Variants in LVRN observed in about 807,000 individuals in gnomAD.
LVRN encodes aminopeptidase Q.
In LVRN, 99 loss-of-function variants were observed where a neutral mutation model predicts 111.4. That is an observed-to-expected ratio of 0.89 (90% CI 0.76 to 1.05). The LOEUF is 1.05. Ranked by LOEUF, LVRN falls within the 50% of genes least tolerant of loss-of-function variation. LVRN has a pLI of 0.00. For synonymous variants in LVRN, 488 were observed against 449.5 expected, an observed-to-expected ratio of 1.09 and a Z score of -1.08; for missense variants, 1,414 against 1,206.8, an observed-to-expected ratio of 1.17 and a Z score of -2.54.
intron 1 of LVRN, among the ~76,000 whole-genome samples, chr5:115,970,752 A>G (rs146682238): frequency 2.7e-3 from 404 of 152,306 alleles, no homozygotes; most frequent in African/African-American, 9.0e-3. Context: ...TATTGATATA[A>G]CACAATTTGT....
chr5:115,963,261 A>G lies in LVRN; in HGVS notation c.644A>G (p.Asp215Gly). 1 of 1,612,500 alleles carries G rather than the reference A, an allele frequency of 6.2e-7. No homozygotes were observed. The highest frequency in any genetic ancestry group is 1.3e-5 in the African/African-American group (1 of 74,956). ...AGCTTCTCGGGCCTGGTGAAGGAAGACCTCAGGGAGGGACTCTTCCTCAAC... is the reference window on the plus strand; with the variant it reads ...AGCTTCTCGGGCCTGGTGAAGGAAGGCCTCAGGGAGGGACTCTTCCTCAAC... The part of the protein sequence containing the change: ...QLSFSGLVKE[D>G]LREGLFLNVY... The change falls in exon 1 of 20, where the codon GAC (aspartate) becomes GGC (glycine). Residue 215 changes from aspartate to glycine, a missense_variant. Physicochemically the swap from Asp to Gly is moderately conservative, Grantham distance 94 (BLOSUM62 -1). Transcript: ENST00000357872.
At chr5:116,006,305 G>A (rs1394354859) in intron 13 of LVRN, among the ~76,000 whole-genome samples, 1 of 151,382 alleles carries the variant, frequency 6.6e-6, no homozygotes, top group Non-Finnish European at 1.5e-5. Flanking sequence ...GTTTAACCAG[G>A]TAAATTAATA....
At chr5:116,006,915 A>G (rs1321074852) in intron 13 of LVRN, among the ~76,000 whole-genome samples, 3 of 152,104 alleles carry the variant, frequency 2.0e-5, no homozygotes, top group Non-Finnish European at 4.4e-5. Flanking sequence ...TCTTGCTATC[A>G]ATTTTTCCCT....
Position 115,963,107 on chromosome 5 carries a change from C to T in LVRN, c.490C>T (p.Pro164Ser). Residue 164 changes from proline to serine, a missense_variant, in exon 1 of 20, where the codon CCG becomes TCG. Coordinates refer to ENST00000357872, the MANE Select transcript of LVRN (RefSeq NM_173800.5). ...CGCCGAGGTGCGGGGACCCCTTTCCCCGGGCACTGGGAACGCCACAGTGGG... is the reference window on the plus strand; with the variant it reads ...CGCCGAGGTGCGGGGACCCCTTTCCTCGGGCACTGGGAACGCCACAGTGGG... Reference protein sequence around the residue: ...ERAEVRGPLSPGTGNATVGRV... With the variant: ...ERAEVRGPLSSGTGNATVGRV... 1 of 1,613,612 alleles carries T rather than the reference C, an allele frequency of 6.2e-7. No homozygotes were observed. The highest frequency in any genetic ancestry group is 1.3e-5 in the African/African-American group (1 of 75,062).
chr5:115,985,063 C>T (rs1747826049), intron 3 of LVRN, among the ~76,000 whole-genome samples: 1 of 152,126 alleles, frequency 6.6e-6, no homozygotes, highest in Non-Finnish European at 1.5e-5. Flanking sequence ...GTGTACTTAG[C>T]CCAGGGTTAA....
Position 115,962,577 on chromosome 5 carries a change from GTC to G in LVRN, c.-37_-36del. On this transcript the variant is annotated 5_prime_UTR_variant, in exon 1 of 20. Coordinates refer to ENST00000357872, the MANE Select transcript of LVRN (RefSeq NM_173800.5). ...GGCCGGGGTTTTGACAGCTGCCACA[GTC>G]TCTGAGCTCCAGCCTCGCGCCTGAA... The G allele has an allele frequency of 1.9e-6, 3 of 1,560,016 alleles. No individual in the cohort carries two copies. The highest frequency in any genetic ancestry group is 2.6e-6 in the Non-Finnish European group (3 of 1,152,238).
chr5:115,968,590 C>G (rs563713490), intron 1 of LVRN, among the ~76,000 whole-genome samples: 39 of 152,154 alleles, frequency 2.6e-4, no homozygotes, highest in African/African-American at 9.4e-4. Context: ...AGTTGCCCAT[C>G]TGGTCCCCCA....
intron 14 of LVRN, 131 bp from the exon 15 acceptor site, chr5:116,012,240 CAGA>C: frequency 1.7e-6 from 1 of 581,246 alleles, no homozygotes; most frequent in Non-Finnish European, 3.1e-6. Flanking sequence ...TATTTAGTAA[CAGA>C]TAAAGGTAAT....
intron 15 of LVRN, 49 bp downstream of exon 15, chr5:116,012,517 A>G: frequency 2.7e-6 from 3 of 1,096,024 alleles, no homozygotes; most frequent in African/African-American, 1.6e-5. Flanking sequence ...ATTCATATTA[A>G]TAGGCTTCCA....
Position 116,014,472 on chromosome 5 carries a change from T to G in LVRN, c.2395T>G (p.Cys799Gly). ...VTACWLGLED[C>G]LQLSKELFAK... ...TGCGTGTTGGTTGGGCCTTGAAGAC[T>G]GCCTTCAGCTGTCAAAAGAACTTTT... Residue 799 changes from cysteine to glycine, a missense_variant, in exon 16 of 20, where the codon TGC becomes GGC. Coordinates refer to ENST00000357872, the MANE Select transcript of LVRN (RefSeq NM_173800.5). 3 of 1,613,664 alleles carry G rather than the reference T, an allele frequency of 1.9e-6. No homozygotes were observed. Among genetic ancestry groups the G allele is most frequent in the Non-Finnish European group, 2.5e-6 (3 of 1,179,678 alleles).
intron 19 of LVRN, among the ~76,000 whole-genome samples, chr5:116,022,690 G>T (rs1375841367): frequency 2.0e-5 from 3 of 152,188 alleles, no homozygotes; most frequent in African/African-American, 7.2e-5. Flanking sequence ...TCACCTGAAT[G>T]CAGGGGACTC....
intron 6 of LVRN, among the ~76,000 whole-genome samples, chr5:115,999,434 A>C (rs1748190574): frequency 1.3e-5 from 2 of 152,214 alleles, no homozygotes; most frequent in African/African-American, 4.8e-5. Context: ...ATTTTAGATA[A>C]TTAAAACCAC....
At chr5:115,981,078 C>T (rs2112568394) in intron 1 of LVRN, among the ~76,000 whole-genome samples, 1 of 152,286 alleles carries the variant, frequency 6.6e-6, no homozygotes, top group Non-Finnish European at 1.5e-5. Flanking sequence ...GGCTGAATTT[C>T]CTCTTCACGC....
chr5:115,970,951 G>A (rs1013500590), intron 1 of LVRN, among the ~76,000 whole-genome samples: 2 of 152,144 alleles, frequency 1.3e-5, no homozygotes, highest in Non-Finnish European at 2.9e-5. Context: ...GTTTTCCAAG[G>A]AGTTTGGTCA....
At chr5:116,018,553 TC>T (rs1748647891) in intron 18 of LVRN, among the ~76,000 whole-genome samples, 1 of 151,970 alleles carries the variant, frequency 6.6e-6, no homozygotes, top group Non-Finnish European at 1.5e-5. Flanking sequence ...ATGCCTGTAA[TC>T]CCAGCTACTC....
rs147926837 is a variant in LVRN, at chr5:116,014,513, T to A, written c.2436T>A (p.Asp812Glu). The change falls in exon 16 of 20, where the codon GAT (aspartate) becomes GAA (glutamate). Residue 812 changes from aspartate to glutamate, a missense_variant. Coordinates refer to ENST00000357872, the MANE Select transcript of LVRN (RefSeq NM_173800.5). ...LSKELFAKWV[D>E]HPENEIPYPI... ...AAGAACTTTTCGCAAAATGGGTGGATCATCCAGAAAATGAGTAAGAGTAAT... is the reference window on the plus strand; with the variant it reads ...AAGAACTTTTCGCAAAATGGGTGGAACATCCAGAAAATGAGTAAGAGTAAT... 611 of 1,612,980 alleles carry A rather than the reference T, an allele frequency of 3.8e-4. 2 individuals are homozygous for A. The highest frequency in any genetic ancestry group is 3.8e-4 in the Admixed American group (23 of 59,974).
At chr5:116,013,478 G>A (rs530327748) in intron 15 of LVRN, among the ~76,000 whole-genome samples, 2 of 152,274 alleles carry the variant, frequency 1.3e-5, no homozygotes, top group East Asian at 3.9e-4. Flanking sequence ...GTTCTCTTCA[G>A]AGAAGCTCTA....
intron 17 of LVRN, 39 bp from the exon 18 acceptor site, chr5:116,015,589 G>A (rs759735045): frequency 6.3e-7 from 1 of 1,577,148 alleles, no homozygotes; most frequent in Admixed American, 1.8e-5. Context: ...CTTTATGTTG[G>A]ATGTTTAAAA....
intron 5 of LVRN, among the ~76,000 whole-genome samples, chr5:115,993,262 G>T (rs1418086431): frequency 6.6e-6 from 1 of 150,634 alleles, no homozygotes; most frequent in Non-Finnish European, 1.5e-5. Flanking sequence ...ATTGCATAAC[G>T]TATGATTACT....
Sources: allele counts gnomAD v4.1 joint callset (sites outside exome capture counted in the v4.1 genomes callset), GRCh38; gene constraint gnomAD v4.1.1; transcripts MANE v1.5; gene names NCBI Gene and HGNC (gene_info 2026-07-23, HGNC 2026-07-21).